PPP6R3: variants seen among roughly 807,000 people sequenced by gnomAD.
PPP6R3 encodes protein phosphatase 6 regulatory subunit 3, also known as serine/threonine-protein phosphatase 6 regulatory subunit 3.
In PPP6R3, 38 loss-of-function variants were observed where a neutral mutation model predicts 110.7. The ratio of observed to expected loss-of-function variants is 0.34; its 90% CI spans 0.26 to 0.45. The LOEUF is 0.45. Among genes scored for constraint, PPP6R3 ranks in the 20% least tolerant of loss-of-function variants. PPP6R3 has a pLI of 1.00. For synonymous variants in PPP6R3, 369 were observed against 373.5 expected, an observed-to-expected ratio of 0.99 and a Z score of 0.14; for missense variants, 870 against 1,062.4, an observed-to-expected ratio of 0.82 and a Z score of 2.52.
Position 68,614,305 on chromosome 11 carries a change from A to AAAAT in PPP6R3, c.*1190_*1193dup. 9.5e-7 allele frequency: 1 copy of AAAAT among 1,055,366 alleles called. No homozygotes were observed. The highest frequency in any genetic ancestry group is 1.1e-6 in the Non-Finnish European group (1 of 874,198). 65.4% of individuals were successfully genotyped at this position (1,055,366 alleles called of 1,614,324 possible). A position where few individuals can be genotyped will look rare whatever the true frequency, so the allele number is the denominator to read the frequency against. ...ATTTATAATTTTCTATGTCAATACAAAAATACATCACAGCCTTCTCAAACA... is the reference window on the plus strand; with the variant it reads ...ATTTATAATTTTCTATGTCAATACAAAAATAAATACATCACAGCCTTCTCAAACA... On this transcript the variant is annotated 3_prime_UTR_variant, in exon 24 of 24. Transcript: ENST00000393800.
At chr11:68,558,700 A>T in intron 8 of PPP6R3, 21 bp downstream of exon 8, 1 of 1,532,354 alleles carries the variant, frequency 6.5e-7, no homozygotes, top group Non-Finnish European at 9.0e-7. Context: ...CTTATATCTT[A>T]CAAAATGAAC....
intron 1 of PPP6R3, among the ~76,000 whole-genome samples, chr11:68,473,573 A>G (rs976109462): frequency 1.3e-5 from 2 of 152,228 alleles, no homozygotes; most frequent in Non-Finnish European, 2.9e-5. Context: ...AAGCACAGGT[A>G]AAACAACCTG....
chr11:68,511,463 A>AGTGAGTGT (rs1555082965), intron 1 of PPP6R3, among the ~76,000 whole-genome samples: 1 of 138,512 alleles, frequency 7.2e-6, no homozygotes, highest in Admixed American at 7.3e-5. Context: ...ACTGTGTTAG[A>AGTGAGTGT]GTGTGTGTGT....
intron 1 of PPP6R3, among the ~76,000 whole-genome samples, chr11:68,473,558 G>A (rs981739647): frequency 2.0e-5 from 3 of 152,190 alleles, no homozygotes; most frequent in Non-Finnish European, 2.9e-5. Flanking sequence ...TAGCTGTTGC[G>A]GGGGAAGCAC....
At chr11:68,479,848 C>T (rs2098890543) in intron 1 of PPP6R3, among the ~76,000 whole-genome samples, 1 of 151,992 alleles carries the variant, frequency 6.6e-6, no homozygotes, top group African/African-American at 2.4e-5. Flanking sequence ...ATGTGATCCT[C>T]CCACCTCAGC....
At chr11:68,602,035 T>C in intron 21 of PPP6R3, 66 bp downstream of exon 21, 1 of 1,321,104 alleles carries the variant, frequency 7.6e-7, no homozygotes, top group Non-Finnish European at 1.1e-6. Context: ...CAGACCTGAT[T>C]CTCAGGCTCA....
chr11:68,538,519 T>C (rs1342206202), intron 3 of PPP6R3, among the ~76,000 whole-genome samples: 1 of 152,194 alleles, frequency 6.6e-6, no homozygotes, highest in African/African-American at 2.4e-5. Context: ...TATTTGGCTC[T>C]TTTCCCCCCA....
At chr11:68,546,990 A>G (rs1440047984) in intron 4 of PPP6R3, among the ~76,000 whole-genome samples, 3 of 152,210 alleles carry the variant, frequency 2.0e-5, no homozygotes, top group Non-Finnish European at 4.4e-5. Flanking sequence ...GAAGTTTTAT[A>G]TCATAATGCT....
intron 1 of PPP6R3, among the ~76,000 whole-genome samples, chr11:68,487,227 GT>G (rs2098953327): frequency 6.6e-6 from 1 of 152,086 alleles, no homozygotes; most frequent in Admixed American, 6.6e-5. Flanking sequence ...TCTAGACACT[GT>G]TTTTGCTGTA....
At chr11:68,603,539 A>G in intron 22 of PPP6R3, 47 bp downstream of exon 22, 1 of 1,610,212 alleles carries the variant, frequency 6.2e-7, no homozygotes, top group Non-Finnish European at 8.5e-7. Flanking sequence ...TATTGGGAGG[A>G]TGGTGGGGCA....
intron 15 of PPP6R3, chr11:68,586,871 G>T (rs971394350): frequency 6.6e-6 from 1 of 152,090 alleles, no homozygotes; most frequent in Non-Finnish European, 1.5e-5. Flanking sequence ...GGAGAAGGTG[G>T]TTTAATACAG....
intron 7 of PPP6R3, among the ~76,000 whole-genome samples, chr11:68,556,761 A>T (rs1482758803): frequency 6.6e-6 from 1 of 152,200 alleles, no homozygotes; most frequent in Non-Finnish European, 1.5e-5. Flanking sequence ...TTTGTTTGAT[A>T]AGCTTCAGTC....
intron 22 of PPP6R3, among the ~76,000 whole-genome samples, chr11:68,603,832 G>C (rs911688077): frequency 6.6e-6 from 1 of 152,124 alleles, no homozygotes; most frequent in African/African-American, 2.4e-5. Flanking sequence ...CAGGTCGACT[G>C]GTTTTACAAA....
intron 2 of PPP6R3, among the ~76,000 whole-genome samples, chr11:68,523,841 T>C (rs952910453): frequency 6.6e-6 from 1 of 152,100 alleles, no homozygotes; most frequent in African/African-American, 2.4e-5. Flanking sequence ...TCATGAATTG[T>C]TGGCGTTCTT....
intron 1 of PPP6R3, among the ~76,000 whole-genome samples, chr11:68,481,229 A>G (rs79872807): frequency 0.056 from 8,484 of 152,282 alleles, 252 homozygotes; most frequent in Middle Eastern, 0.13. Flanking sequence ...GGAGGGACAT[A>G]ATGACACATA....
intron 1 of PPP6R3, among the ~76,000 whole-genome samples, chr11:68,480,844 G>T (rs2098903502): frequency 1.3e-5 from 2 of 152,188 alleles, no homozygotes; most frequent in African/African-American, 4.8e-5. Flanking sequence ...TCAATATGGA[G>T]TGTTCATGTG....
rs1402796210 is a variant in PPP6R3 at position 68,614,237 on chromosome 11, G to T, written c.*1120G>T. On this transcript the variant is annotated 3_prime_UTR_variant, in exon 24 of 24. Coordinates refer to ENST00000393800, the MANE Select transcript of PPP6R3 (RefSeq NM_001164161.2). ...AAACCAGTGTATTTTTTTAGAACTG[G>T]TTTGTGTATATATATAGTGATTATG... 9.5e-5 allele frequency: 94 copies of T among 990,102 alleles called. No homozygotes were observed. The highest frequency in any genetic ancestry group is 1.1e-4 in the Non-Finnish European group (94 of 832,762). 61.3% of individuals were successfully genotyped at this position (990,102 alleles called of 1,614,324 possible). A position where few individuals can be genotyped will look rare whatever the true frequency, so the allele number is the denominator to read the frequency against.
intron 5 of PPP6R3, among the ~76,000 whole-genome samples, chr11:68,549,396 TC>T (rs1415979564): frequency 3.9e-5 from 6 of 152,166 alleles, no homozygotes; most frequent in African/African-American, 1.2e-4. Flanking sequence ...CAGGGCATGT[TC>T]CAGTGAGGTA....
At chr11:68,590,950 G>C (rs916940812) in intron 17 of PPP6R3, among the ~76,000 whole-genome samples, 1 of 152,120 alleles carries the variant, frequency 6.6e-6, no homozygotes, top group South Asian at 2.1e-4. Context: ...TGATTGCAGC[G>C]TAGACACTTG....
Sources: gnomAD v4.1 joint callset for allele counts (sites outside exome capture counted in the v4.1 genomes callset) on GRCh38, gnomAD v4.1.1 for gene constraint, MANE v1.5 for transcripts, NCBI Gene and HGNC (gene_info 2026-07-23, HGNC 2026-07-21) for gene names.